Variants in CREB3L2 observed in about 807,000 individuals in gnomAD.
The protein encoded by CREB3L2 is cAMP responsive element binding protein 3 like 2.
A neutral mutation model predicts 57.2 loss-of-function variants in CREB3L2; 23 were observed. The ratio of observed to expected loss-of-function variants is 0.40; its 90% confidence interval spans 0.29 to 0.57. The LOEUF (loss-of-function observed/expected upper bound fraction) is 0.57, where lower values mean the gene tolerates loss of function less well. Ranked by LOEUF, CREB3L2 falls within the 20% of genes least tolerant of loss-of-function variation. The probability of loss-of-function intolerance (pLI) is 0.42; values close to 1 mark genes in which losing one functional copy is unlikely to be tolerated. For missense variants in CREB3L2, 628 were observed against 634.7 expected (o/e 0.99, Z 0.11); for synonymous variants, 268 against 265.1 (o/e 1.01, Z -0.11).
At position 137,916,001 on chromosome 7, in the gene CREB3L2, T is replaced by C. The variant is rs1369963718; in HGVS notation, c.331A>G (p.Ser111Gly). The C allele has an allele frequency of 5.0e-6, 8 of 1,612,356 alleles. No individual in the cohort carries two copies. The highest frequency in any genetic ancestry group is 5.9e-6 in the Non-Finnish European group (7 of 1,179,262). ...TCTGTAGACAGGTACCATTTCTCAC[T>C]TTCCACCTCATCTGCAGGAAAAAAG... ...SDSFNDDEVE[S>G]EKWYLSTDFP... The change falls in exon 3 of 12, where the codon AGT becomes GGT. Residue 111 changes from serine (S) to glycine (G), a missense_variant. Ser to Gly is a moderately conservative substitution (Grantham distance 56, BLOSUM62 0). Coordinates refer to ENST00000330387, the MANE Select transcript of CREB3L2 (RefSeq NM_194071.4).
At chr7:137,985,440 C>T (rs554599756) in intron 1 of CREB3L2, among the ~76,000 whole-genome samples, 16 of 152,140 alleles carry the variant, frequency 1.1e-4, no homozygotes, top group Non-Finnish European at 1.3e-4. Context: ...GCCAGGAAGC[C>T]CCAGGCCTCG....
At chr7:137,891,507 A>G (rs1799527606) in intron 8 of CREB3L2, among the ~76,000 whole-genome samples, 1 of 152,154 alleles carries the variant, frequency 6.6e-6, no homozygotes, top group South Asian at 2.1e-4. Flanking sequence ...GAGCAGGAAA[A>G]AAAAAAGTGG....
intron 1 of CREB3L2, among the ~76,000 whole-genome samples, chr7:137,963,115 C>A (rs1026974108): frequency 6.6e-6 from 1 of 152,194 alleles, no homozygotes; most frequent in African/African-American, 2.4e-5. Context: ...GGATCCCAAG[C>A]CTGCAACGCC....
At chr7:137,909,437 C>CT (rs1799959973) in intron 4 of CREB3L2, among the ~76,000 whole-genome samples, 1 of 152,188 alleles carries the variant, frequency 6.6e-6, no homozygotes, top group Non-Finnish European at 1.5e-5. Flanking sequence ...ACTCTTGGGT[C>CT]TCACTGTTCT....
chr7:137,952,096 A>G (rs1801113692), intron 1 of CREB3L2, among the ~76,000 whole-genome samples: 1 of 152,218 alleles, frequency 6.6e-6, no homozygotes, highest in South Asian at 2.1e-4. Context: ...TCGTAATTTA[A>G]AAATAAAATT....
chr7:137,886,467 T>G (rs1254542987), intron 8 of CREB3L2, among the ~76,000 whole-genome samples: 4 of 151,692 alleles, frequency 2.6e-5, no homozygotes, highest in African/African-American at 9.7e-5. Flanking sequence ...ACAGGCAGGT[T>G]AGAAGAGAGA....
At chr7:137,890,332 G>C (rs899724671) in intron 8 of CREB3L2, among the ~76,000 whole-genome samples, 6 of 152,208 alleles carry the variant, frequency 3.9e-5, no homozygotes, top group African/African-American at 1.4e-4. Context: ...TAAGGTTCAG[G>C]AAGTCAAGCC....
chr7:137,901,275 C>T, intron 8 of CREB3L2, 79 bp downstream of exon 8: 1 of 957,922 alleles, frequency 1.0e-6, no homozygotes, highest in East Asian at 2.5e-5. Context: ...TTTCTGCCAT[C>T]CCTGGTTCTG....
chr7:137,990,463 CCTACT>C (rs879370426), intron 1 of CREB3L2, among the ~76,000 whole-genome samples: 7 of 152,206 alleles, frequency 4.6e-5, no homozygotes, highest in Non-Finnish European at 7.3e-5. Flanking sequence ...CATCTTCCTT[CCTACT>C]CTACTTGGAA....
rs145022355 is a variant in CREB3L2, at chr7:137,972,677, G to A, written c.102+28927C>T. Among the ~76,000 whole-genome samples the A allele has an allele frequency of 1.0e-3, 38 of 36,686 alleles. 1 individual carries two copies. In the East Asian group the frequency reaches 0.037, roughly 36 times the overall value. The allele number at this position is 36,686 out of a possible 152,430, so 24.1% of individuals were successfully genotyped here. The stretch of plus-strand genomic sequence containing the variant: ...GTCTGAGCAACACAGTGAGATCCCC[G>A]TCTCTACAAAAAAAAAAAAAAAAAA... On this transcript the variant is annotated intron_variant, in intron 1 of 11. Transcript: ENST00000330387.
At chr7:137,997,956 C>A (rs1334207580) in intron 1 of CREB3L2, among the ~76,000 whole-genome samples, 1 of 152,146 alleles carries the variant, frequency 6.6e-6, no homozygotes, top group Non-Finnish European at 1.5e-5. Context: ...CAATTTTAGC[C>A]TGTATTCCAT....
chr7:137,888,857 G>A (rs1799478814), intron 8 of CREB3L2, among the ~76,000 whole-genome samples: 1 of 152,044 alleles, frequency 6.6e-6, no homozygotes, highest in South Asian at 2.1e-4. Context: ...GCAAGGTGCT[G>A]AAGTTTAGCT....
intron 1 of CREB3L2, among the ~76,000 whole-genome samples, chr7:137,956,050 C>T (rs1270072524): frequency 6.6e-6 from 1 of 152,164 alleles, no homozygotes; most frequent in East Asian, 1.9e-4. Context: ...CACTTAATTT[C>T]AGGTCTCAGA....
intron 1 of CREB3L2, among the ~76,000 whole-genome samples, chr7:137,948,909 T>G (rs191691973): frequency 2.8e-4 from 43 of 152,314 alleles, no homozygotes; most frequent in Non-Finnish European, 5.0e-4. Context: ...GGATCATCAG[T>G]TTTGTGACTA....
At chr7:137,885,951 C>G (rs1378624926) in intron 8 of CREB3L2, among the ~76,000 whole-genome samples, 1 of 152,144 alleles carries the variant, frequency 6.6e-6, no homozygotes, top group Non-Finnish European at 1.5e-5. Context: ...ATAAATGGAG[C>G]CCTCATTGAT....
At chr7:137,933,273 T>C (rs1800697278) in intron 1 of CREB3L2, among the ~76,000 whole-genome samples, 1 of 152,230 alleles carries the variant, frequency 6.6e-6, no homozygotes, top group South Asian at 2.1e-4. Context: ...AGCCACAGTT[T>C]TGTTCCCTGA....
chr7:137,885,230 A>C, intron 9 of CREB3L2, 109 bp from the exon 10 acceptor site: 1 of 1,319,380 alleles, frequency 7.6e-7, no homozygotes, highest in Non-Finnish European at 1.1e-6. Context: ...AGGCCAGTGG[A>C]CTGCACCCAC....
chr7:137,885,416 C>A lies in CREB3L2; in HGVS notation c.1130G>T (p.Gly377Val), dbSNP rs780660582. 6.2e-7 allele frequency: 1 copy of A among 1,613,896 alleles called. No individual in the cohort carries two copies. Among genetic ancestry groups the A allele is most frequent in the South Asian group, 1.1e-5 (1 of 91,064 alleles). ...RTCKLAGTQT[G>V]TCLMVVVLCF... ...TGGGAAGCTCACCATGAGGCAGGTG[C>A]CAGTCTGCGTGCCAGCTAACTTGCA... Residue 377 changes from glycine to valine, a missense_variant, in exon 9 of 12, where the codon GGC (glycine) becomes GTC (valine). By Grantham distance (109) the Gly-to-Val change is moderately radical. Coordinates refer to ENST00000330387, the MANE Select transcript of CREB3L2 (RefSeq NM_194071.4).
intron 11 of CREB3L2, among the ~76,000 whole-genome samples, chr7:137,882,102 G>A (rs1013194255): frequency 1.3e-5 from 2 of 152,310 alleles, no homozygotes; most frequent in Admixed American, 6.5e-5. Flanking sequence ...GCATTCACTC[G>A]TGTGGCTTGG....
Sources: gnomAD v4.1 joint callset for allele counts (sites outside exome capture counted in the v4.1 genomes callset) on GRCh38, gnomAD v4.1.1 for gene constraint, MANE v1.5 for transcripts, NCBI Gene and HGNC (gene_info 2026-07-23, HGNC 2026-07-21) for gene names.